The following ASCC1 variants were observed in gnomAD, a reference collection of about 807,000 sequenced individuals.
ASCC1 encodes activating signal cointegrator 1 complex subunit 1, also known as ASC-1 complex subunit P50.
Under a neutral mutation model 46.6 loss-of-function variants are expected in ASCC1, and 35 were observed. That is an observed-to-expected ratio of 0.75 (90% CI 0.57 to 0.99). The LOEUF (loss-of-function observed/expected upper bound fraction) is 0.99, where lower values mean the gene tolerates loss of function less well. Ranked by LOEUF, ASCC1 falls within the 50% of genes least tolerant of loss-of-function variation. ASCC1 has a pLI of 0.00. For missense variants in ASCC1, 376 were observed against 428.7 expected (o/e 0.88, Z 1.09); for synonymous variants, 143 against 146.6 (o/e 0.98, Z 0.18).
At chr10:72,165,136 C>T (rs779858124) in intron 5 of ASCC1, among the ~76,000 whole-genome samples, 24 of 151,078 alleles carry the variant, frequency 1.6e-4, no homozygotes, top group Middle Eastern at 3.4e-3. Context: ...TTTTTTGAGA[C>T]GGAGTTTCGC....
chr10:72,197,011 T>A, intron 4 of ASCC1, 22 bp from the exon 5 acceptor site: 1 of 1,613,074 alleles, frequency 6.2e-7, no homozygotes, highest in Non-Finnish European at 8.5e-7. Flanking sequence ...GAAGAAAGGG[T>A]AAACTGCTCA....
At position 72,188,388 on chromosome 10, in the gene ASCC1, G is replaced by A. The variant is rs1853836293; in HGVS notation, c.489+8423C>T. Among the ~76,000 whole-genome samples, 4 of 151,614 alleles carry A rather than the reference G, an allele frequency of 2.6e-5. No individual in the cohort carries two copies. The South Asian group carries it at 8.3e-4, about 32-fold the overall frequency. On this transcript the variant is annotated intron_variant, in intron 5 of 9. Transcript: ENST00000672957. ...CCCACCTCGGCCTCCCAAAGTGCTG[G>A]GATTACAGGCATGAGCCACCACGCC...
chr10:72,156,052 T>C (rs1212556376), intron 6 of ASCC1, among the ~76,000 whole-genome samples: 2 of 152,222 alleles, frequency 1.3e-5, no homozygotes, highest in Middle Eastern at 3.2e-3. Flanking sequence ...TCCTGTTGAA[T>C]TGTAATCCCT....
intron 4 of ASCC1, among the ~76,000 whole-genome samples, chr10:72,202,361 G>A (rs866057231): frequency 5.3e-5 from 8 of 151,922 alleles, no homozygotes; most frequent in South Asian, 2.1e-4. Flanking sequence ...CCAGCTACTC[G>A]GGAGGCTGAG....
chr10:72,211,939 T>C (rs1300759271), intron 2 of ASCC1, among the ~76,000 whole-genome samples: 5 of 152,154 alleles, frequency 3.3e-5, no homozygotes, highest in Non-Finnish European at 7.3e-5. Flanking sequence ...ATCTCAGCAC[T>C]TTGGGAGGCC....
intron 8 of ASCC1, among the ~76,000 whole-genome samples, chr10:72,132,429 TA>T (rs1385381644): frequency 6.6e-6 from 1 of 152,208 alleles, no homozygotes; most frequent in Non-Finnish European, 1.5e-5. Flanking sequence ...GGCATTTTTA[TA>T]AAAAGGCTCA....
intron 3 of ASCC1, among the ~76,000 whole-genome samples, chr10:72,206,867 C>T (rs1420590133): frequency 6.6e-6 from 1 of 152,040 alleles, no homozygotes; most frequent in Non-Finnish European, 1.5e-5. Context: ...AAACTGTATG[C>T]TTTTTCCAAG....
chr10:72,164,032 G>A lies in ASCC1; in HGVS notation c.490-2358C>T, dbSNP rs532597468. On this transcript the variant is annotated intron_variant, in intron 5 of 9. Coordinates refer to ENST00000672957, the MANE Select transcript of ASCC1 (RefSeq NM_001198800.3). The stretch of plus-strand genomic sequence containing the variant: ...GGCTAGAGTGCAATGATGCGATCTT[G>A]GCTCGCTACAACTTTTGCCTCCCGG... Among the ~76,000 whole-genome samples, 3 of 151,944 alleles carry A rather than the reference G, an allele frequency of 2.0e-5. No homozygotes were observed. The East Asian group carries it at 5.8e-4, about 29-fold the overall frequency.
At chr10:72,167,357 G>T (rs1850481750) in intron 5 of ASCC1, among the ~76,000 whole-genome samples, 1 of 152,166 alleles carries the variant, frequency 6.6e-6, no homozygotes, top group African/African-American at 2.4e-5. Flanking sequence ...AGATGCAAAA[G>T]ACTACGTATT....
intron 5 of ASCC1, among the ~76,000 whole-genome samples, chr10:72,193,432 AAAT>A (rs1781879652): frequency 7.0e-6 from 1 of 142,396 alleles, no homozygotes; most frequent in Non-Finnish European, 1.5e-5. Flanking sequence ...ACAAAACTAC[AAAT>A]AATAAACAAA....
intron 9 of ASCC1, among the ~76,000 whole-genome samples, chr10:72,119,525 G>A (rs762631376): frequency 2.9e-4 from 44 of 152,204 alleles, no homozygotes; most frequent in South Asian, 1.2e-3. Context: ...CCACCTAACG[G>A]GGGTGATGAG....
intron 5 of ASCC1, among the ~76,000 whole-genome samples, chr10:72,185,761 T>G (rs1032464860): frequency 1.3e-5 from 2 of 152,170 alleles, no homozygotes; most frequent in African/African-American, 4.8e-5. Context: ...TATACCTTCA[T>G]CAAAACTCAT....
At chr10:72,169,270 C>A (rs991519685) in intron 5 of ASCC1, among the ~76,000 whole-genome samples, 7 of 151,988 alleles carry the variant, frequency 4.6e-5, no homozygotes, top group Non-Finnish European at 7.4e-5. Context: ...ACCCCGTCTA[C>A]ACAAGAAATA....
At chr10:72,211,356 G>C (rs1858079861) in intron 2 of ASCC1, among the ~76,000 whole-genome samples, 1 of 152,018 alleles carries the variant, frequency 6.6e-6, no homozygotes, top group Non-Finnish European at 1.5e-5. Flanking sequence ...TCCATCTGTG[G>C]ATTCAACCAA....
intron 9 of ASCC1, among the ~76,000 whole-genome samples, chr10:72,110,531 G>C (rs1013908449): frequency 6.6e-6 from 1 of 152,264 alleles, no homozygotes; most frequent in African/African-American, 2.4e-5. Context: ...GCCCATGCCT[G>C]TAATCCTAGC....
At chr10:72,109,275 GT>G (rs1257223277) in intron 9 of ASCC1, among the ~76,000 whole-genome samples, 1 of 151,430 alleles carries the variant, frequency 6.6e-6, no homozygotes, top group African/African-American at 2.5e-5. Context: ...TAGAACAGCT[GT>G]GATTTTTCAA....
chr10:72,191,773 A>G (rs1297136728), intron 5 of ASCC1, among the ~76,000 whole-genome samples: 1 of 151,690 alleles, frequency 6.6e-6, no homozygotes, highest in Non-Finnish European at 1.5e-5. Context: ...CAGCCTCCCT[A>G]GTAGCTGGGA....
chr10:72,123,195 C>G (rs1213798221), intron 9 of ASCC1, among the ~76,000 whole-genome samples: 1 of 151,946 alleles, frequency 6.6e-6, no homozygotes, highest in Non-Finnish European at 1.5e-5. Flanking sequence ...AAAAATTAGC[C>G]AGGCATGGTG....
chr10:72,169,264 C>T (rs576158940), intron 5 of ASCC1, among the ~76,000 whole-genome samples: 1 of 152,102 alleles, frequency 6.6e-6, no homozygotes, highest in East Asian at 1.9e-4. Flanking sequence ...GGTGAAACCC[C>T]GTCTACACAA....
Sources: allele counts gnomAD v4.1 joint callset (sites outside exome capture counted in the v4.1 genomes callset), GRCh38; gene constraint gnomAD v4.1.1; transcripts MANE v1.5; gene names NCBI Gene and HGNC (gene_info 2026-07-23, HGNC 2026-07-21).